Variants in DIAPH3 observed in about 807,000 individuals in gnomAD.
DIAPH3 encodes the protein protein diaphanous homolog 3.
A neutral mutation model predicts 144.3 loss-of-function variants in DIAPH3; 117 were observed. The ratio of observed to expected loss-of-function variants is 0.81; its 90% confidence interval spans 0.70 to 0.95. The LOEUF (loss-of-function observed/expected upper bound fraction) is 0.95, where lower values mean the gene tolerates loss of function less well. DIAPH3 is among the 40% of genes least tolerant of loss of function. The pLI, the probability that DIAPH3 is intolerant of heterozygous loss-of-function variation, is 0.00. For missense variants in DIAPH3, 1,421 were observed against 1,412.7 expected (o/e 1.01, Z -0.09); for synonymous variants, 519 against 488.9 (o/e 1.06, Z -0.81).
intron 15 of DIAPH3, among the ~76,000 whole-genome samples, chr13:59,973,794 C>A (rs2050521174): frequency 6.6e-6 from 1 of 152,102 alleles, no homozygotes; most frequent in African/African-American, 2.4e-5. Context: ...CCACATAAAG[C>A]ATGCAGATGA....
At chr13:59,839,063 A>T in intron 23 of DIAPH3, 1 of 335,314 alleles carries the variant, frequency 3.0e-6, no homozygotes, top group Non-Finnish European at 5.7e-6. Context: ...GTGAGCCAAG[A>T]TCATGCCACC....
At chr13:60,091,132 A>T (rs568893234) in intron 4 of DIAPH3, among the ~76,000 whole-genome samples, 2 of 152,344 alleles carry the variant, frequency 1.3e-5, no homozygotes, top group African/African-American at 4.8e-5. Flanking sequence ...CCTACTTGTT[A>T]GATTTACAAT....
At chr13:60,101,020 T>C (rs2058254182) in intron 3 of DIAPH3, among the ~76,000 whole-genome samples, 1 of 152,194 alleles carries the variant, frequency 6.6e-6, no homozygotes, top group African/African-American at 2.4e-5. Flanking sequence ...CCAAACCTGC[T>C]CTATGCACTG....
chr13:60,029,172 A>AC (rs397956983), intron 5 of DIAPH3, among the ~76,000 whole-genome samples: 1 of 147,050 alleles, frequency 6.8e-6, no homozygotes, highest in East Asian at 1.9e-4. Context: ...AAAAAAAAAA[A>AC]CTGTTATTCT....
intron 8 of DIAPH3, among the ~76,000 whole-genome samples, 163 bp downstream of exon 8, chr13:60,010,370 C>T (rs972830548): frequency 1.3e-5 from 2 of 152,090 alleles, no homozygotes; most frequent in Middle Eastern, 3.4e-3. Flanking sequence ...AATAATTACT[C>T]AAAAATTTCC....
intron 21 of DIAPH3, among the ~76,000 whole-genome samples, chr13:59,865,230 T>C (rs964248590): frequency 1.3e-5 from 2 of 152,048 alleles, no homozygotes; most frequent in African/African-American, 4.8e-5. Context: ...ATTTGCTCAA[T>C]ATTTTTTTCA....
chr13:59,789,207 A>G (rs1269563871), intron 25 of DIAPH3, among the ~76,000 whole-genome samples: 2 of 152,142 alleles, frequency 1.3e-5, no homozygotes, highest in East Asian at 3.9e-4. Flanking sequence ...AAATGTGACT[A>G]TCACACAGAG....
intron 17 of DIAPH3, 93 bp from the exon 18 acceptor site, chr13:59,924,963 A>C (rs2047685678): frequency 6.7e-7 from 1 of 1,495,740 alleles, no homozygotes; most frequent in Non-Finnish European, 9.0e-7. Flanking sequence ...ATAAGCTAAA[A>C]AGGATGTAAC....
intron 4 of DIAPH3, among the ~76,000 whole-genome samples, chr13:60,083,758 A>C (rs1478661437): frequency 6.6e-6 from 1 of 152,022 alleles, no homozygotes; most frequent in Non-Finnish European, 1.5e-5. Context: ...TTAAATAAAG[A>C]CCAAGCACGG....
At chr13:60,121,650 A>T (rs1201773108) in intron 2 of DIAPH3, among the ~76,000 whole-genome samples, 1 of 152,224 alleles carries the variant, frequency 6.6e-6, no homozygotes, top group Non-Finnish European at 1.5e-5. Flanking sequence ...CATTCAAAGA[A>T]GACGACAGAC....
chr13:60,067,708 T>C lies in DIAPH3; in HGVS notation c.496-24888A>G, dbSNP rs113896834. Among the ~76,000 whole-genome samples, 627 of 152,278 alleles carry C rather than the reference T, an allele frequency of 4.1e-3. 5 individuals carry two copies. The highest frequency in any genetic ancestry group is 0.014 in the African/African-American group (601 of 41,570). The stretch of plus-strand genomic sequence containing the variant: ...AGAGTAACCAAATCTATATTACCCT[T>C]TTAATATGGTTTTCTAAACAATTTT... On this transcript the variant is annotated intron_variant, in intron 4 of 27. Coordinates refer to ENST00000400324, the MANE Select transcript of DIAPH3 (RefSeq NM_001042517.2).
chr13:59,853,910 C>T (rs17722872), intron 22 of DIAPH3, among the ~76,000 whole-genome samples: 6,957 of 152,174 alleles, frequency 0.046, 251 homozygotes, highest in Admixed American at 0.096. Context: ...TATCTCCATG[C>T]AGTTATAGGA....
At chr13:60,135,624 G>T (rs1025231955) in intron 1 of DIAPH3, among the ~76,000 whole-genome samples, 9 of 152,136 alleles carry the variant, frequency 5.9e-5, no homozygotes, top group African/African-American at 1.9e-4. Flanking sequence ...GAGTCCAGAC[G>T]GGACTGGAGA....
At chr13:59,749,505 G>C (rs2036886090) in intron 27 of DIAPH3, among the ~76,000 whole-genome samples, 2 of 124,086 alleles carry the variant, frequency 1.6e-5, no homozygotes, top group Admixed American at 1.8e-4. Flanking sequence ...GGGTGACAGA[G>C]CGAGACTCCA....
chr13:59,802,672 T>TA (rs1339574637), intron 25 of DIAPH3, among the ~76,000 whole-genome samples: 19 of 54,356 alleles, frequency 3.5e-4, no homozygotes, highest in African/African-American at 1.1e-3. Flanking sequence ...TTATTATTTT[T>TA]TTTTTTTTTT....
At chr13:59,916,056 G>T in intron 19 of DIAPH3, 99 bp downstream of exon 19, 1 of 1,001,434 alleles carries the variant, frequency 1.0e-6, no homozygotes, top group Non-Finnish European at 1.6e-6. Context: ...TTTTCCAGTT[G>T]AATGATTTGG....
rs751335929 is a variant in DIAPH3, at chr13:59,666,687, A to G, written c.3479T>C (p.Val1160Ala). 10 of 1,614,152 alleles carry G rather than the reference A, an allele frequency of 6.2e-6. No individual in the cohort carries two copies. The highest frequency in any genetic ancestry group is 1.7e-5 in the Admixed American group (1 of 60,020). ...KAAEKKEACN[V>A]ESNRKKETEL... ...CGTTTCCTTTTTTCTGTTGCTTTCT[A>G]CATTACACGCTTCCTTCTTCTCAGC... Residue 1160 changes from valine to alanine, a missense_variant, in exon 28 of 28, where the codon GTA (valine) becomes GCA (alanine). Val to Ala is a moderately conservative substitution (Grantham distance 64). Coordinates refer to ENST00000400324, the MANE Select transcript of DIAPH3 (RefSeq NM_001042517.2).
At chr13:59,973,417 T>C (rs1031356593) in intron 15 of DIAPH3, among the ~76,000 whole-genome samples, 17 of 151,106 alleles carry the variant, frequency 1.1e-4, no homozygotes, top group African/African-American at 4.2e-4. Flanking sequence ...AGGAACCATA[T>C]GGGAAAGATA....
At chr13:59,713,594 G>A (rs2034868446) in intron 27 of DIAPH3, among the ~76,000 whole-genome samples, 1 of 152,014 alleles carries the variant, frequency 6.6e-6, no homozygotes. Context: ...TGGCAGCAGT[G>A]TGGGGGACTA....
Sources: allele counts gnomAD v4.1 joint callset (sites outside exome capture counted in the v4.1 genomes callset), GRCh38; gene constraint gnomAD v4.1.1; transcripts MANE v1.5; gene names NCBI Gene and HGNC (gene_info 2026-07-23, HGNC 2026-07-21).